PAK5: variants seen among roughly 807,000 people sequenced by gnomAD.
PAK5 encodes the protein p21 (RAC1) activated kinase 5, also known as serine/threonine-protein kinase PAK 5.
Under a neutral mutation model 65.9 loss-of-function variants are expected in PAK5, and 16 were observed. The observed-to-expected ratio is 0.24, with a 90% confidence interval of 0.16 to 0.37. The LOEUF (loss-of-function observed/expected upper bound fraction) is 0.37, where lower values mean the gene tolerates loss of function less well. Among genes scored for constraint, PAK5 ranks in the 10% least tolerant of loss-of-function variants. PAK5 has a pLI of 1.00. For missense variants in PAK5, 785 were observed against 903.9 expected (o/e 0.87, Z 1.69); for synonymous variants, 371 against 354.9 (o/e 1.05, Z -0.51).
At chr20:9,631,665 A>G (rs1229378808) in intron 3 of PAK5, among the ~76,000 whole-genome samples, 2 of 152,194 alleles carry the variant, frequency 1.3e-5, no homozygotes, top group Non-Finnish European at 2.9e-5. Context: ...GTGATAATAA[A>G]TATGTGTTCT....
chr20:9,787,208 T>G (rs539591227), intron 1 of PAK5, among the ~76,000 whole-genome samples: 5 of 152,260 alleles, frequency 3.3e-5, no homozygotes, highest in Non-Finnish European at 7.4e-5. Context: ...TCAAGTTACT[T>G]GCCTGGTTTC....
At chr20:9,678,849 C>T (rs1362176182) in intron 2 of PAK5, among the ~76,000 whole-genome samples, 1 of 152,146 alleles carries the variant, frequency 6.6e-6, no homozygotes, top group Non-Finnish European at 1.5e-5. Context: ...CACTGGGTCC[C>T]TCCCACGACA....
chr20:9,683,230 G>A (rs1427704096), intron 2 of PAK5, among the ~76,000 whole-genome samples: 1 of 152,178 alleles, frequency 6.6e-6, no homozygotes, highest in Admixed American at 6.5e-5. Flanking sequence ...GTTCTCCGAA[G>A]GAATGGAAAA....
intron 1 of PAK5, among the ~76,000 whole-genome samples, chr20:9,723,325 CT>C (rs1052935168): frequency 2.0e-5 from 3 of 152,088 alleles, no homozygotes; most frequent in Non-Finnish European, 4.4e-5. Context: ...TTATTGATGG[CT>C]TTGAGGTGCA....
intron 6 of PAK5, among the ~76,000 whole-genome samples, chr20:9,561,563 G>C (rs2045590764): frequency 6.6e-6 from 1 of 151,978 alleles, no homozygotes; most frequent in Admixed American, 6.6e-5. Flanking sequence ...TTTATTTTGA[G>C]ATAGCCTACT....
At chr20:9,798,415 T>C (rs982706552) in intron 1 of PAK5, among the ~76,000 whole-genome samples, 1 of 152,122 alleles carries the variant, frequency 6.6e-6, no homozygotes, top group African/African-American at 2.4e-5. Context: ...AAGTACAGGG[T>C]TGGCCTTTGA....
At chr20:9,742,052 G>A (rs1302380807) in intron 1 of PAK5, among the ~76,000 whole-genome samples, 1 of 152,062 alleles carries the variant, frequency 6.6e-6, no homozygotes, top group East Asian at 1.9e-4. Flanking sequence ...TTTTCTTAAG[G>A]CACAGAGCAG....
chr20:9,756,318 T>C (rs567534003), intron 1 of PAK5, among the ~76,000 whole-genome samples: 1 of 152,288 alleles, frequency 6.6e-6, no homozygotes, highest in South Asian at 2.1e-4. Flanking sequence ...CAAAAATGTA[T>C]CTACGTATCT....
chr20:9,778,999 T>C (rs2048914464), intron 1 of PAK5, among the ~76,000 whole-genome samples: 1 of 152,158 alleles, frequency 6.6e-6, no homozygotes, highest in Admixed American at 6.5e-5. Flanking sequence ...CTAGGTATTA[T>C]GATGATTATT....
intron 3 of PAK5, among the ~76,000 whole-genome samples, chr20:9,641,958 A>G (rs567094195): frequency 3.3e-5 from 5 of 152,140 alleles, no homozygotes; most frequent in South Asian, 4.2e-4. Context: ...CCCGGTTCCC[A>G]CTTGTGCCTC....
At chr20:9,572,751 G>A (rs2122974247) in intron 4 of PAK5, among the ~76,000 whole-genome samples, 1 of 152,358 alleles carries the variant, frequency 6.6e-6, no homozygotes, top group East Asian at 1.9e-4. Context: ...GGCACGGAGT[G>A]CAGAGCAAGG....
chr20:9,753,943 T>A (rs1423297469), intron 1 of PAK5, among the ~76,000 whole-genome samples: 1 of 152,156 alleles, frequency 6.6e-6, no homozygotes. Context: ...CTCACTCTTT[T>A]ACAGCTTTCT....
At chr20:9,785,388 C>G (rs2048981882) in intron 1 of PAK5, among the ~76,000 whole-genome samples, 1 of 152,130 alleles carries the variant, frequency 6.6e-6, no homozygotes, top group African/African-American at 2.4e-5. Flanking sequence ...ACATTGAGCA[C>G]AGAATTTTAA....
chr20:9,836,858 G>A (rs73246984), intron 1 of PAK5, among the ~76,000 whole-genome samples: 3,727 of 152,020 alleles, frequency 0.025, 141 homozygotes, highest in African/African-American at 0.085. Context: ...TTACTATTCC[G>A]AGGACTGTTC....
At chr20:9,622,272 A>G (rs889927407) in intron 3 of PAK5, among the ~76,000 whole-genome samples, 2 of 152,228 alleles carry the variant, frequency 1.3e-5, no homozygotes, top group African/African-American at 4.8e-5. Context: ...CTTCCCTTTC[A>G]ATATGGTACC....
At chr20:9,804,950 A>C (rs917578303) in intron 1 of PAK5, among the ~76,000 whole-genome samples, 21 of 152,138 alleles carry the variant, frequency 1.4e-4, no homozygotes, top group African/African-American at 3.6e-4. Flanking sequence ...TGACCCACAA[A>C]ATGGGATAAA....
At chr20:9,638,843 C>T (rs2047014569) in intron 3 of PAK5, among the ~76,000 whole-genome samples, 1 of 152,176 alleles carries the variant, frequency 6.6e-6, no homozygotes, top group African/African-American at 2.4e-5. Context: ...CCACTCGGAA[C>T]TAGCTTGGCA....
chr20:9,836,159 C>T (rs1049437280), intron 1 of PAK5, among the ~76,000 whole-genome samples: 8 of 124,286 alleles, frequency 6.4e-5, no homozygotes, highest in Middle Eastern at 4.0e-3. Context: ...TTTTCTGAAT[C>T]CATGCTACTC....
intron 3 of PAK5, among the ~76,000 whole-genome samples, chr20:9,584,197 C>A (rs377423614): frequency 1.3e-5 from 2 of 152,268 alleles, no homozygotes; most frequent in East Asian, 3.9e-4. Flanking sequence ...AGATGAGCAG[C>A]CTTGGCAGAG....
Sources: allele counts gnomAD v4.1 joint callset (sites outside exome capture counted in the v4.1 genomes callset), GRCh38; gene constraint gnomAD v4.1.1; transcripts MANE v1.5; gene names NCBI Gene and HGNC (gene_info 2026-07-23, HGNC 2026-07-21).